Variants in MORN3 observed in about 807,000 individuals in gnomAD.
MORN3 encodes MORN repeat-containing protein 3.
MORN3 carries 38 observed loss-of-function variants against 34.7 expected under a neutral mutation model. The observed-to-expected ratio is 1.10, with a 90% CI of 0.85 to 1.44. The LOEUF is 1.44. MORN3 is among the 40% of genes most tolerant of loss of function. MORN3 has a pLI of 0.00. For missense variants in MORN3, 311 were observed against 321.7 expected, an observed-to-expected ratio of 0.97 and a Z score of 0.25; for synonymous variants, 109 against 115.3, an observed-to-expected ratio of 0.95 and a Z score of 0.35.
intron 1 of MORN3, among the ~76,000 whole-genome samples, chr12:121,665,384 A>T (rs1194055998): frequency 2.4e-5 from 3 of 123,538 alleles, no homozygotes; most frequent in African/African-American, 9.1e-5. Context: ...TCCGCCTCCC[A>T]GGTTCACGCC....
Position 121,669,542 on chromosome 12 carries a change from C to T in MORN3, c.-59G>A. ...AAAGGGGTTAGGGACATCTGGGGCT[C>T]AGCGCGCCCCGTGTAATGCCGGGAT... On this transcript the variant is annotated 5_prime_UTR_variant, in exon 1 of 6. Coordinates refer to ENST00000355329, the MANE Select transcript of MORN3 (RefSeq NM_173855.5). The T allele has an allele frequency of 1.9e-6, 3 of 1,601,298 alleles. No homozygotes were observed. Among genetic ancestry groups the T allele is most frequent in the East Asian group, 2.3e-5 (1 of 43,836 alleles).
At chr12:121,663,413 G>GT (rs1893645307) in intron 1 of MORN3, among the ~76,000 whole-genome samples, 3 of 152,040 alleles carry the variant, frequency 2.0e-5, no homozygotes. Flanking sequence ...GGCCAGGCTG[G>GT]TCTCCAACTC....
In MORN3 at chr12:121,653,190, A is replaced by G; in HGVS notation, c.533T>C (p.Leu178Pro). 6.2e-7 allele frequency: 1 copy of G among 1,614,186 alleles called. No homozygotes were observed. The highest frequency in any genetic ancestry group is 8.5e-7 in the Non-Finnish European group (1 of 1,180,034). ...MKNGAGRFFHLDHGQLFEGFW... is the reference protein window; with the variant it reads ...MKNGAGRFFHPDHGQLFEGFW... ...GCCTTCAAACAGCTGGCCGTGGTCCAGATGGAAGAAACGCCCCGCCCCGTT... is the reference window on the plus strand; with the variant it reads ...GCCTTCAAACAGCTGGCCGTGGTCCGGATGGAAGAAACGCCCCGCCCCGTT... Residue 178 changes from leucine to proline, a missense_variant, in exon 4 of 6, where the codon CTG (leucine) becomes CCG (proline). Coordinates refer to ENST00000355329, the MANE Select transcript of MORN3 (RefSeq NM_173855.5).
At chr12:121,667,884 C>T (rs544394085) in intron 1 of MORN3, among the ~76,000 whole-genome samples, 15 of 152,054 alleles carry the variant, frequency 9.9e-5, no homozygotes, top group Admixed American at 9.8e-4. Flanking sequence ...CTACCACAGC[C>T]AGCTAATTTT....
At chr12:121,658,701 G>T (rs895262587) in intron 2 of MORN3, among the ~76,000 whole-genome samples, 13 of 151,342 alleles carry the variant, frequency 8.6e-5, no homozygotes, top group African/African-American at 2.9e-4. Flanking sequence ...GGGAGTAGAT[G>T]GAGGGAACCT....
chr12:121,671,106 C>G (rs1489302432), upstream of MORN3, among the ~76,000 whole-genome samples: 3 of 110,082 alleles, frequency 2.7e-5, no homozygotes, highest in East Asian at 8.6e-4. Context: ...GAGTGAGACT[C>G]TGTCTCAAAA....
intron 1 of MORN3, among the ~76,000 whole-genome samples, chr12:121,665,392 G>T (rs1483896862): frequency 7.6e-6 from 1 of 130,768 alleles, no homozygotes; most frequent in Non-Finnish European, 1.5e-5. Context: ...CCAGGTTCAC[G>T]CCATTCTCCT....
intron 2 of MORN3, among the ~76,000 whole-genome samples, chr12:121,657,329 A>G (rs7978609): frequency 0.56 from 85,814 of 152,020 alleles, 27,270 homozygotes; most frequent in African/African-American, 0.88. Context: ...CCTAAGATCA[A>G]TGCTTAAGAT....
chr12:121,662,057 A>T (rs1163715120), intron 1 of MORN3, among the ~76,000 whole-genome samples: 1 of 152,126 alleles, frequency 6.6e-6, no homozygotes. Context: ...GTGGAATCTA[A>T]AAAGTCAAAC....
Position 121,669,401 on chromosome 12 carries a change from C to G in MORN3, c.83G>C (p.Ser28Thr). 6.2e-7 allele frequency: 1 copy of G among 1,614,156 alleles called. No homozygotes were observed. The highest frequency in any genetic ancestry group is 2.2e-5 in the East Asian group (1 of 44,874). Reference protein sequence around the residue: ...DRKAQRNGLRSQVYAVNGDYY... With the variant: ...DRKAQRNGLRTQVYAVNGDYY... ...GTCGCCATTCACAGCGTATACCTGG[C>G]TCCGCAGGCCGTTCCTCTGGGCCTT... is the stretch of plus-strand genomic sequence containing the variant. The change falls in exon 1 of 6, where the codon AGC (serine) becomes ACC (threonine). Residue 28 changes from serine (S) to threonine (T), a missense_variant. By Grantham distance (58) the Ser-to-Thr change is moderately conservative. Transcript: ENST00000355329.
intron 3 of MORN3, among the ~76,000 whole-genome samples, chr12:121,653,813 T>A (rs555114186): frequency 3.4e-3 from 511 of 152,166 alleles, no homozygotes; most frequent in Non-Finnish European, 5.6e-3. Flanking sequence ...GCTTTTTTTT[T>A]AAAAATTGAG....
intron 3 of MORN3, 62 bp from the exon 4 acceptor site, chr12:121,653,321 G>T (rs1555325329): frequency 1.3e-6 from 2 of 1,541,884 alleles, no homozygotes; most frequent in Non-Finnish European, 1.7e-6. Context: ...ACCCCCAGGG[G>T]TCGCTCTTCC....
intron 1 of MORN3, among the ~76,000 whole-genome samples, chr12:121,668,374 C>T (rs1442605612): frequency 6.6e-6 from 1 of 152,020 alleles, no homozygotes; most frequent in African/African-American, 2.4e-5. Context: ...GAAACCCCGT[C>T]TTACTAAAAA....
chr12:121,659,472 T>A, intron 1 of MORN3, 124 bp from the exon 2 acceptor site: 1 of 896,866 alleles, frequency 1.1e-6, no homozygotes, highest in East Asian at 2.6e-5. Context: ...GCTCTGCGCA[T>A]CATCCTAGAC....
At chr12:121,664,623 G>A (rs1594233016) in intron 1 of MORN3, among the ~76,000 whole-genome samples, 1 of 152,080 alleles carries the variant, frequency 6.6e-6, no homozygotes, top group Admixed American at 6.6e-5. Flanking sequence ...ACCGGGCATG[G>A]TAGCAGGTGC....
intron 1 of MORN3, among the ~76,000 whole-genome samples, chr12:121,663,303 A>G (rs966787934): frequency 3.3e-5 from 5 of 151,122 alleles, no homozygotes; most frequent in Admixed American, 1.3e-4. Context: ...GGTTCAAGCG[A>G]TTCTCCTGTC....
At chr12:121,672,190 G>A (rs997996804), upstream of MORN3, among the ~76,000 whole-genome samples, 5 of 152,060 alleles carry the variant, frequency 3.3e-5, no homozygotes, top group African/African-American at 1.2e-4. Context: ...GCGGCATGGG[G>A]GCTGCCGCCT....
chr12:121,671,155 C>A (rs1421035968), upstream of MORN3, among the ~76,000 whole-genome samples: 1 of 142,724 alleles, frequency 7.0e-6, no homozygotes, highest in Non-Finnish European at 1.5e-5. Context: ...CGCCTGTAAT[C>A]CCAGCACTTT....
chr12:121,656,561 C>A (rs1893423104), intron 2 of MORN3, among the ~76,000 whole-genome samples: 1 of 152,104 alleles, frequency 6.6e-6, no homozygotes, highest in Non-Finnish European at 1.5e-5. Context: ...GTTGCCCAGG[C>A]TGAAGTGCAG....
Sources: allele counts gnomAD v4.1 joint callset (sites outside exome capture counted in the v4.1 genomes callset), GRCh38; gene constraint gnomAD v4.1.1; transcripts MANE v1.5; gene names NCBI Gene and HGNC (gene_info 2026-07-23, HGNC 2026-07-21).